The following BAIAP2L2 variants were observed in gnomAD, a reference collection of about 807,000 sequenced individuals.
The protein encoded by BAIAP2L2 is BAR/IMD domain containing adaptor protein 2 like 2.
Under a neutral mutation model 60.4 loss-of-function variants are expected in BAIAP2L2, and 65 were observed. The observed-to-expected ratio is 1.08, with a 90% CI of 0.88 to 1.32. The LOEUF (loss-of-function observed/expected upper bound fraction) is 1.32, where lower values mean the gene tolerates loss of function less well. Ranked by LOEUF, BAIAP2L2 falls within the 40% of genes most tolerant of loss-of-function variation. The pLI, the probability that BAIAP2L2 is intolerant of heterozygous loss-of-function variation, is 0.00. For synonymous variants in BAIAP2L2, 344 were observed against 301.7 expected (o/e 1.14, Z -1.45); for missense variants, 836 against 741.2 (o/e 1.13, Z -1.48).
chr22:38,101,810 C>T (rs923698011), intron 4 of BAIAP2L2, among the ~76,000 whole-genome samples: 4 of 151,978 alleles, frequency 2.6e-5, no homozygotes, highest in South Asian at 2.1e-4. Context: ...GCTGAGATGG[C>T]GCCATTGCAC....
intron 4 of BAIAP2L2, among the ~76,000 whole-genome samples, chr22:38,105,084 T>G (rs2086637014): frequency 6.6e-6 from 1 of 152,176 alleles, no homozygotes; most frequent in African/African-American, 2.4e-5. Context: ...ATAACAAACA[T>G]TTTTTAAAAC....
rs2086005257 is a variant in BAIAP2L2 at position 38,084,946 on chromosome 22, G to C, written c.*354C>G. 7 of 245,200 alleles carry C rather than the reference G, an allele frequency of 2.9e-5. No individual in the cohort carries two copies. In the South Asian group the frequency reaches 4.2e-4, roughly 15 times the overall value. The allele number at this position is 245,200 out of a possible 1,614,324, so 15.2% of individuals were successfully genotyped here. On this transcript the variant is annotated 3_prime_UTR_variant, in exon 14 of 14. Coordinates refer to ENST00000381669, the MANE Select transcript of BAIAP2L2 (RefSeq NM_025045.6). ...TCTCATCATTTACAAAAGATGTACA[G>C]AGAGGGCATGTGTTGGGCACGGAGC... is the stretch of plus-strand genomic sequence containing the variant.
chr22:38,096,175 TAA>T (rs1486371252), intron 7 of BAIAP2L2, among the ~76,000 whole-genome samples: 1 of 151,970 alleles, frequency 6.6e-6, no homozygotes, highest in African/African-American at 2.4e-5. Flanking sequence ...GCATCAAACT[TAA>T]GAGAGACATT....
intron 6 of BAIAP2L2, 41 bp downstream of exon 6, chr22:38,098,022 C>T: frequency 3.8e-6 from 3 of 790,968 alleles, no homozygotes; most frequent in Non-Finnish European, 6.5e-6. Flanking sequence ...GGTCTGCCCA[C>T]CCGCCCTTCC....
At position 38,110,493 on chromosome 22, in the gene BAIAP2L2, G is replaced by C; in HGVS notation, c.33C>G (p.Ser11=). The C allele has an allele frequency of 6.2e-7, 1 of 1,612,060 alleles. No homozygotes were observed. Among genetic ancestry groups the C allele is most frequent in the African/African-American group, 1.3e-5 (1 of 74,970 alleles). ...TGCTCACCTTGTAGATGGCCATGGT[G>C]GACCTGTAGAACTGGTCCATCTCGG... MAPEMDQFYR[S]TMAIYKSIME... The change falls in exon 1 of 14, where the codon TCC becomes TCG. Residue 11 remains serine, a synonymous_variant. Coordinates refer to ENST00000381669, the MANE Select transcript of BAIAP2L2 (RefSeq NM_025045.6).
intron 4 of BAIAP2L2, among the ~76,000 whole-genome samples, chr22:38,107,105 G>A (rs896941737): frequency 1.3e-5 from 2 of 152,176 alleles, no homozygotes; most frequent in Admixed American, 1.3e-4. Flanking sequence ...GTAAGTGGAG[G>A]CATAGAGTCC....
In BAIAP2L2 at chr22:38,089,236, G is replaced by GGGGGAGATGGGCA; in HGVS notation, c.766-18_766-6dup. 1 of 693,766 alleles carries GGGGGAGATGGGCA rather than the reference G, an allele frequency of 1.4e-6. No individual in the cohort carries two copies. Among genetic ancestry groups the GGGGGAGATGGGCA allele is most frequent in the East Asian group, 3.8e-5 (1 of 26,434 alleles). 43.0% of individuals were successfully genotyped at this position (693,766 alleles called of 1,614,324 possible). On this transcript the variant is annotated splice_polypyrimidine_tract_variant and splice_region_variant and intron_variant, in intron 8 of 13. Coordinates refer to ENST00000381669, the MANE Select transcript of BAIAP2L2 (RefSeq NM_025045.6). ...CTCTCCCAGGGGCCTCGGGGGCTGC[G>GGGGGAGATGGGCA]GGGGAGATGGGCAGGGGAGGGTGGG...
In BAIAP2L2 at chr22:38,110,465, A is replaced by T; in HGVS notation, c.51+10T>A. On this transcript the variant is annotated intron_variant, in intron 1 of 13. Transcript: ENST00000381669. ...GGGCTCAGGCCTGGCTTGGCCACCC[A>T]TGTGCTCACCTTGTAGATGGCCATG... 1 of 1,611,308 alleles carries T rather than the reference A, an allele frequency of 6.2e-7. No individual in the cohort carries two copies. Among genetic ancestry groups the T allele is most frequent in the Non-Finnish European group, 8.5e-7 (1 of 1,179,030 alleles).
At chr22:38,102,534 T>G (rs1185227216) in intron 4 of BAIAP2L2, among the ~76,000 whole-genome samples, 1 of 151,916 alleles carries the variant, frequency 6.6e-6, no homozygotes, top group Non-Finnish European at 1.5e-5. Flanking sequence ...AAAGTTATTA[T>G]TAGAAAAAAG....
chr22:38,105,342 T>TC (rs1555968991), intron 4 of BAIAP2L2, among the ~76,000 whole-genome samples: 8 of 87,362 alleles, frequency 9.2e-5, no homozygotes, highest in African/African-American at 2.6e-4. Context: ...TTCTTTTCTT[T>TC]TTTTTTTTTT....
In BAIAP2L2 at chr22:38,108,339, G is replaced by A. The variant is rs762357819; in HGVS notation, c.130C>T (p.Leu44=). 1 of 1,611,954 alleles carries A rather than the reference G, an allele frequency of 6.2e-7. No homozygotes were observed. The highest frequency in any genetic ancestry group is 1.3e-5 in the African/African-American group (1 of 74,934). The change falls in exon 3 of 14, where the codon CTG becomes TTG. Residue 44 remains leucine, a splice_region_variant and synonymous_variant. Coordinates refer to ENST00000381669, the MANE Select transcript of BAIAP2L2 (RefSeq NM_025045.6). Reference sequence around the variant, plus strand: ...AAGTAGACCTCGGCCGCCTCGGACAGAGCTGTGGACCAGAAGGGACAGGTC... The same window carrying A: ...AAGTAGACCTCGGCCGCCTCGGACAAAGCTGTGGACCAGAAGGGACAGGTC... ...GNNYLRAFHA[L]SEAAEVYFSA...
At chr22:38,089,447 T>C in intron 8 of BAIAP2L2, 75 bp downstream of exon 8, 1 of 788,000 alleles carries the variant, frequency 1.3e-6, no homozygotes, top group Non-Finnish European at 1.6e-6. Context: ...GGCTCCAGGC[T>C]GGGGGCCTGA....
rs761774202 is a variant in BAIAP2L2 at position 38,089,066 on chromosome 22, C to T, written c.901+30G>A. On this transcript the variant is annotated intron_variant, in intron 9 of 13. Transcript: ENST00000381669. ...CCCCACCCCCGCGCCTCTCCCGGCC[C>T]TCCTGCCGCCCCGGGGCGGGGGCAC... 15 of 1,381,070 alleles carry T rather than the reference C, an allele frequency of 1.1e-5. No individual in the cohort carries two copies. In the East Asian group the frequency reaches 4.5e-4, roughly 41 times the overall value. 85.6% of individuals were successfully genotyped at this position (1,381,070 alleles called of 1,614,324 possible).
intron 10 of BAIAP2L2, among the ~76,000 whole-genome samples, chr22:38,087,895 C>CG: frequency 6.6e-6 from 1 of 151,368 alleles, no homozygotes; most frequent in South Asian, 2.1e-4. Flanking sequence ...CAGTGACCCC[C>CG]CCCCCGCCAT....
chr22:38,105,754 T>C (rs1653211706), intron 4 of BAIAP2L2, among the ~76,000 whole-genome samples: 1 of 152,190 alleles, frequency 6.6e-6, no homozygotes, highest in Non-Finnish European at 1.5e-5. Context: ...GTGTTACGTA[T>C]CGATTCACTT....
chr22:38,088,613 G>T (rs2086171590), intron 10 of BAIAP2L2, 135 bp downstream of exon 10: 1 of 844,832 alleles, frequency 1.2e-6, no homozygotes, highest in Non-Finnish European at 1.8e-6. Context: ...AGGGTGCGGG[G>T]GTCGGGAGGA....
intron 4 of BAIAP2L2, among the ~76,000 whole-genome samples, chr22:38,105,245 G>C (rs867178206): frequency 1.3e-5 from 2 of 151,894 alleles, no homozygotes; most frequent in South Asian, 2.1e-4. Flanking sequence ...TGCAGCCTTC[G>C]GTCTTTCCAC....
chr22:38,106,695 C>T (rs1239266667), intron 4 of BAIAP2L2, among the ~76,000 whole-genome samples: 1 of 152,152 alleles, frequency 6.6e-6, no homozygotes, highest in Admixed American at 6.5e-5. Context: ...ACCACCAGGC[C>T]CCACCCCACC....
At position 38,094,131 on chromosome 22, in the gene BAIAP2L2, C is replaced by G. The variant is rs190455528; in HGVS notation, c.612+2901G>C. On this transcript the variant is annotated intron_variant, in intron 7 of 13. Transcript: ENST00000381669. ...AATGTATTGAGACAGAAAGTAGATT[C>G]CTGGTGGCCTGGGGCTGGGGGAGTG... Among the ~76,000 whole-genome samples, 12 of 152,210 alleles carry G rather than the reference C, an allele frequency of 7.9e-5. No individual in the cohort carries two copies. In the East Asian group the frequency reaches 2.1e-3, roughly 27 times the overall value.
Sources: gnomAD v4.1 joint callset for allele counts (sites outside exome capture counted in the v4.1 genomes callset) on GRCh38, gnomAD v4.1.1 for gene constraint, MANE v1.5 for transcripts, NCBI Gene and HGNC (gene_info 2026-07-23, HGNC 2026-07-21) for gene names.